The following WWC1 variants were observed in gnomAD, a reference collection of about 807,000 sequenced individuals.
WWC1 encodes WW and C2 domain containing 1, also known as protein KIBRA.
Under a neutral mutation model 138.4 loss-of-function variants are expected in WWC1, and 55 were observed. The ratio of observed to expected loss-of-function variants is 0.40; its 90% confidence interval spans 0.32 to 0.50. WWC1 has a LOEUF of 0.50. Among genes scored for constraint, WWC1 ranks in the 20% least tolerant of loss-of-function variants. The pLI, the probability that WWC1 is intolerant of heterozygous loss-of-function variation, is 0.72. For missense variants in WWC1, 1,226 were observed against 1,420.4 expected, an observed-to-expected ratio of 0.86 and a Z score of 2.20; for synonymous variants, 524 against 564.9, an observed-to-expected ratio of 0.93 and a Z score of 1.03.
At chr5:168,435,861 A>C (rs542110639) in intron 15 of WWC1, among the ~76,000 whole-genome samples, 1 of 142,194 alleles carries the variant, frequency 7.0e-6, no homozygotes, top group African/African-American at 2.7e-5. Context: ...CTTTTTTTTT[A>C]TTTTTGAGAC....
chr5:168,351,467 G>A (rs972779568), intron 1 of WWC1, among the ~76,000 whole-genome samples: 7 of 152,140 alleles, frequency 4.6e-5, no homozygotes, highest in African/African-American at 1.4e-4. Flanking sequence ...AATCCAACTC[G>A]GACCTTGTCT....
At chr5:168,465,014 G>A (rs2305722) in intron 21 of WWC1, 52 bp downstream of exon 21, 107,387 of 1,587,326 alleles carry the variant, frequency 0.068, 8,229 homozygotes, top group Admixed American at 0.28. Flanking sequence ...CCAGAGAGTC[G>A]GGGGGCACTG....
rs1779157489 is a variant in WWC1, at chr5:168,399,578, C to T, written c.590+11C>T. ...TCAGACCCTGAAGAAGTAAGTACAC[C>T]CTGCATCCCAGAGCATGGGGGCTGC... On this transcript the variant is annotated intron_variant, in intron 5 of 22. Transcript: ENST00000265293. The T allele has an allele frequency of 1.9e-6, 3 of 1,613,808 alleles. No individual in the cohort carries two copies. Among genetic ancestry groups the T allele is most frequent in the Non-Finnish European group, 2.5e-6 (3 of 1,179,878 alleles).
At chr5:168,356,977 CAG>C (rs1775472731) in intron 1 of WWC1, among the ~76,000 whole-genome samples, 4 of 152,080 alleles carry the variant, frequency 2.6e-5, no homozygotes, top group South Asian at 2.1e-4. Flanking sequence ...ATCTGTAAAA[CAG>C]GGAAATAATC....
chr5:168,292,149 G>T lies in WWC1; in HGVS notation c.-4G>T. ...ATGGGGGAGCGCCGGCAGCGCTTGG[G>T]AAGATGCCCCGGCCGGAGCTGCCCC... On this transcript the variant is annotated 5_prime_UTR_variant, in exon 1 of 23. Coordinates refer to ENST00000265293, the MANE Select transcript of WWC1 (RefSeq NM_015238.3). The surrounding 1 kb of genome is among the most constrained non-coding windows in gnomAD (Gnocchi z 4.4). 6.5e-7 allele frequency: 1 copy of T among 1,538,850 alleles called. No homozygotes were observed. Among genetic ancestry groups the T allele is most frequent in the Non-Finnish European group, 8.8e-7 (1 of 1,142,098 alleles).
At chr5:168,423,164 A>C (rs1238723474) in intron 10 of WWC1, among the ~76,000 whole-genome samples, 7 of 151,310 alleles carry the variant, frequency 4.6e-5, no homozygotes, top group African/African-American at 1.5e-4. Flanking sequence ...AAAAAAAAAA[A>C]AAAAAAAACA....
intron 1 of WWC1, among the ~76,000 whole-genome samples, chr5:168,329,075 C>T (rs1215338726): frequency 6.6e-6 from 1 of 152,170 alleles, no homozygotes; most frequent in African/African-American, 2.4e-5. Context: ...TGGTCTTGCC[C>T]CATGGCTCCC....
At chr5:168,452,472 C>CT (rs1399498312) in intron 17 of WWC1, among the ~76,000 whole-genome samples, 1 of 152,200 alleles carries the variant, frequency 6.6e-6, no homozygotes, top group Non-Finnish European at 1.5e-5. Context: ...TGTGAGCACG[C>CT]TGCAAGAAGG....
intron 1 of WWC1, among the ~76,000 whole-genome samples, chr5:168,328,430 G>A (rs941407337): frequency 4.6e-5 from 7 of 152,256 alleles, no homozygotes; most frequent in South Asian, 4.1e-4. Flanking sequence ...GTGGAGGCAC[G>A]ATCTCTAGAG....
chr5:168,377,288 A>G (rs1415434732), intron 2 of WWC1, among the ~76,000 whole-genome samples: 1 of 152,230 alleles, frequency 6.6e-6, no homozygotes, highest in Non-Finnish European at 1.5e-5. Flanking sequence ...CTCAAAATGG[A>G]TTAAAGATTT....
At chr5:168,375,606 C>T (rs986498147) in intron 2 of WWC1, among the ~76,000 whole-genome samples, 5 of 151,924 alleles carry the variant, frequency 3.3e-5, no homozygotes, top group Admixed American at 2.0e-4. Flanking sequence ...GACGAAGTCT[C>T]GCTCTGTCGC....
chr5:168,387,232 G>A (rs1488200634), intron 3 of WWC1, among the ~76,000 whole-genome samples: 1 of 152,162 alleles, frequency 6.6e-6, no homozygotes, highest in Non-Finnish European at 1.5e-5. Context: ...TAGCATCAGG[G>A]CATGGTGTCA....
At chr5:168,464,663 G>A (rs62384143) in intron 20 of WWC1, 66 bp from the exon 21 acceptor site, 591,159 of 1,592,294 alleles carry the variant, frequency 0.37, 115,875 homozygotes, top group Middle Eastern at 0.52. Context: ...AGGGTCAGAG[G>A]AAGAGGCTGG....
chr5:168,357,896 C>T (rs1775584110), intron 1 of WWC1, among the ~76,000 whole-genome samples: 1 of 152,174 alleles, frequency 6.6e-6, no homozygotes, highest in South Asian at 2.1e-4. Context: ...TGCAGAGCTC[C>T]TTTGTAATCA....
chr5:168,393,067 G>T (rs1025639294), intron 3 of WWC1, among the ~76,000 whole-genome samples: 5 of 151,760 alleles, frequency 3.3e-5, no homozygotes, highest in Admixed American at 3.3e-4. Context: ...ATAAAATGGA[G>T]GAAACCTTCT....
In WWC1 at chr5:168,389,368, T is replaced by A. The variant is rs767601056; in HGVS notation, c.433+3954T>A. Among the ~76,000 whole-genome samples, 4 of 151,174 alleles carry A rather than the reference T, an allele frequency of 2.6e-5. No individual in the cohort carries two copies. The South Asian group carries it at 6.3e-4, about 24-fold the overall frequency. ...AGGCTGAGGCAGGAGAATCGCTTGC[T>A]TGAACCCAGGAGACGGAGGTTGCAG... On this transcript the variant is annotated intron_variant, in intron 3 of 22. Coordinates refer to ENST00000265293, the MANE Select transcript of WWC1 (RefSeq NM_015238.3).
At chr5:168,361,908 C>G (rs1775907621) in intron 1 of WWC1, among the ~76,000 whole-genome samples, 1 of 151,948 alleles carries the variant, frequency 6.6e-6, no homozygotes, top group African/African-American at 2.4e-5. Flanking sequence ...ATGGTGAAAC[C>G]CCATCTCTAC....
Position 168,292,417 on chromosome 5 carries a change from C to A in WWC1, c.119+146C>A, listed in dbSNP as rs575060558. On this transcript the variant is annotated intron_variant, in intron 1 of 22. Transcript: ENST00000265293. This position sits in a 1 kb window ranked among gnomAD's most constrained non-coding sequence, Gnocchi z 4.4. ...TTCAGTTCGCCACCCCCTGCTCCCC[C>A]CAACCTTCTGGAGCGCTGCTCCCGC... The A allele has an allele frequency of 2.6e-5, 25 of 968,914 alleles. No individual in the cohort carries two copies. Among genetic ancestry groups the A allele is most frequent in the African/African-American group, 3.5e-5 (2 of 57,048 alleles). 60.0% of individuals were successfully genotyped at this position (968,914 alleles called of 1,614,324 possible).
At chr5:168,324,303 C>T (rs2152761078) in intron 1 of WWC1, among the ~76,000 whole-genome samples, 1 of 152,134 alleles carries the variant, frequency 6.6e-6, no homozygotes, top group South Asian at 2.1e-4. Context: ...GCTGGTGGTG[C>T]TCACCTGCAG....
Sources: gnomAD v4.1 joint callset for allele counts (sites outside exome capture counted in the v4.1 genomes callset) on GRCh38, gnomAD v4.1.1 for gene constraint, Gnocchi (gnomAD v3.1) non-coding constraint, MANE v1.5 for transcripts, NCBI Gene and HGNC (gene_info 2026-07-23, HGNC 2026-07-21) for gene names.